TMEM236: variants seen among roughly 807,000 people sequenced by gnomAD.
TMEM236 encodes the protein family with sequence similarity 23, member A.
In TMEM236, 11 loss-of-function variants were observed where a neutral mutation model predicts 14.7. The observed-to-expected ratio is 0.75, with a 90% CI of 0.47 to 1.24. The LOEUF is 1.24. Among genes scored for constraint, TMEM236 ranks in the 50% most tolerant of loss-of-function variants. The pLI is 0.00. For missense variants in TMEM236, 464 were observed against 427.3 expected, an observed-to-expected ratio of 1.09 and a Z score of -0.76; for synonymous variants, 182 against 168.6, an observed-to-expected ratio of 1.08 and a Z score of -0.62.
intron 2 of TMEM236, among the ~76,000 whole-genome samples, chr10:17,774,301 C>A (rs1008695890): frequency 6.6e-6 from 1 of 152,082 alleles, no homozygotes; most frequent in Admixed American, 6.6e-5. Flanking sequence ...TGCCTTGGAC[C>A]CCTGAAGTGC....
chr10:17,796,214 G>T lies in TMEM236; in HGVS notation c.766G>T (p.Gly256Cys). 1 of 1,613,890 alleles carries T rather than the reference G, an allele frequency of 6.2e-7. No individual in the cohort carries two copies. Among genetic ancestry groups the T allele is most frequent in the Non-Finnish European group, 8.5e-7 (1 of 1,179,860 alleles). The part of the protein sequence containing the change: ...SDTIEMVRVA[G>C]HPNVYKSSWL... Reference sequence around the variant, plus strand: ...CACGATAGAAATGGTGCGTGTGGCTGGTCACCCCAACGTGTACAAGTCAAG... The same window carrying T: ...CACGATAGAAATGGTGCGTGTGGCTTGTCACCCCAACGTGTACAAGTCAAG... The change falls in exon 4 of 4, where the codon GGT becomes TGT. Residue 256 changes from glycine (G) to cysteine (C), a missense_variant. Physicochemically the swap from Gly to Cys is radical, Grantham distance 159. Coordinates refer to ENST00000377495, the MANE Select transcript of TMEM236 (RefSeq NM_001098844.3).
Position 17,752,472 on chromosome 10 carries a change from G to A in TMEM236, c.177G>A (p.Ala59=), listed in dbSNP as rs946371125. The A allele has an allele frequency of 3.5e-4, 562 of 1,613,940 alleles. No homozygotes were observed. Among genetic ancestry groups the A allele is most frequent in the Non-Finnish European group, 4.3e-4 (510 of 1,179,844 alleles). ...LIISCSIAYV[A]LVTLLIWVPV... ...TCTCCTGTTCTATTGCCTATGTTGC[G>A]TTAGTGACTCTACTGATCTGGGTTC... Residue 59 remains alanine, a synonymous_variant, in exon 1 of 4, where the codon GCG becomes GCA. Transcript: ENST00000377495.
intron 3 of TMEM236, among the ~76,000 whole-genome samples, chr10:17,781,574 C>T (rs1181148254): frequency 2.0e-5 from 3 of 151,692 alleles, no homozygotes; most frequent in African/African-American, 4.8e-5. Context: ...GGTGAAACCC[C>T]GTTTCTACTA....
At chr10:17,767,922 T>G (rs1837495627) in intron 1 of TMEM236, among the ~76,000 whole-genome samples, 1 of 151,144 alleles carries the variant, frequency 6.6e-6, no homozygotes, top group African/African-American at 2.4e-5. Flanking sequence ...TCTTTTTTTT[T>G]TTTTTGAGAC....
intron 1 of TMEM236, among the ~76,000 whole-genome samples, chr10:17,760,421 T>C (rs1049650411): frequency 2.6e-5 from 4 of 152,102 alleles, no homozygotes; most frequent in African/African-American, 9.7e-5. Flanking sequence ...CACAAGATCA[T>C]CAAACAATAA....
intron 1 of TMEM236, among the ~76,000 whole-genome samples, chr10:17,764,484 T>G (rs1375116910): frequency 6.6e-6 from 1 of 152,236 alleles, no homozygotes; most frequent in Non-Finnish European, 1.5e-5. Context: ...AAGTGTCTGT[T>G]GTATTTCCAA....
At chr10:17,771,413 A>G (rs1223121965) in intron 2 of TMEM236, 32 bp downstream of exon 2, 6 of 1,592,486 alleles carry the variant, frequency 3.8e-6, no homozygotes, top group Non-Finnish European at 5.2e-6. Context: ...CTGCTACAAG[A>G]TTATGAGATT....
At chr10:17,778,332 T>A (rs1017600529) in intron 3 of TMEM236, among the ~76,000 whole-genome samples, 8 of 152,332 alleles carry the variant, frequency 5.3e-5, no homozygotes, top group African/African-American at 1.9e-4. Flanking sequence ...TTAATTTGTA[T>A]GCAAAGACCT....
rs919053844 is a variant in TMEM236, at chr10:17,767,464, A to T, written c.258-3845A>T. Among the ~76,000 whole-genome samples the T allele has an allele frequency of 1.4e-3, 219 of 151,966 alleles. 1 individual carries two copies. Among genetic ancestry groups the T allele is most frequent in the South Asian group, 7.7e-3 (37 of 4,796 alleles). ...GATAGAGTAAGACTCCATCTCAAAA[A>T]ATATATATATATAAGCATATACGAG... On this transcript the variant is annotated intron_variant, in intron 1 of 3. Coordinates refer to ENST00000377495, the MANE Select transcript of TMEM236 (RefSeq NM_001098844.3).
At chr10:17,782,554 C>T (rs1041830461) in intron 3 of TMEM236, among the ~76,000 whole-genome samples, 8 of 152,118 alleles carry the variant, frequency 5.3e-5, no homozygotes, top group East Asian at 1.9e-4. Context: ...TGGGCTTAAG[C>T]GATTCTCGTG....
intron 3 of TMEM236, 114 bp downstream of exon 3, chr10:17,776,284 A>G (rs913496540): frequency 9.7e-7 from 1 of 1,027,046 alleles, no homozygotes; most frequent in East Asian, 2.4e-5. Flanking sequence ...GGCTAACATT[A>G]CTGATAGAAG....
intron 3 of TMEM236, among the ~76,000 whole-genome samples, chr10:17,780,046 G>A (rs1307057610): frequency 6.6e-6 from 1 of 151,934 alleles, no homozygotes; most frequent in Admixed American, 6.6e-5. Flanking sequence ...TTTTTTCTTG[G>A]AAACAACAGC....
In TMEM236 at chr10:17,795,982, A is replaced by C. The variant is rs1838005857; in HGVS notation, c.534A>C (p.Gln178His). 1.2e-6 allele frequency: 2 copies of C among 1,613,838 alleles called. No homozygotes were observed. The highest frequency in any genetic ancestry group is 3.3e-5 in the Admixed American group (2 of 59,990). The stretch of plus-strand genomic sequence containing the variant: ...AACACATAAAAACTGTGACGGAGCA[A>C]GTGAGGCAAAGTCCAGAAAACGCTG... ...SLQHIKTVTE[Q>H]VRQSPENAAS... Residue 178 changes from glutamine (Q) to histidine (H), a missense_variant, in exon 4 of 4, where the codon CAA (glutamine) becomes CAC (histidine). Physicochemically the swap from Gln to His is conservative, Grantham distance 24. Coordinates refer to ENST00000377495, the MANE Select transcript of TMEM236 (RefSeq NM_001098844.3).
rs1554834797 is a variant in TMEM236, at chr10:17,771,314, C to G, written c.263C>G (p.Pro88Arg). Residue 88 changes from proline (P) to arginine (R), a missense_variant, in exon 2 of 4, where the codon CCT (proline) becomes CGT (arginine). Pro to Arg is a moderately radical substitution (Grantham distance 103, BLOSUM62 -2). Coordinates refer to ENST00000377495, the MANE Select transcript of TMEM236 (RefSeq NM_001098844.3). ...TATTTTTTCTCCTTTGCTAGGAGAC[C>G]TGTTCTGATGATGTGTGTGGTCCTC... ...YIYRKIKGWR[P>R]VLMMCVVLTT... 1 of 1,613,880 alleles carries G rather than the reference C, an allele frequency of 6.2e-7. No homozygotes were observed. Among genetic ancestry groups the G allele is most frequent in the Non-Finnish European group, 8.5e-7 (1 of 1,179,800 alleles).
intron 3 of TMEM236, among the ~76,000 whole-genome samples, chr10:17,780,348 C>G (rs2131756458): frequency 6.6e-6 from 1 of 152,230 alleles, no homozygotes; most frequent in African/African-American, 2.4e-5. Flanking sequence ...TGGGTGCAAA[C>G]AGACCTATGA....
Position 17,752,853 on chromosome 10 carries a change from C to A in TMEM236, c.257+301C>A, listed in dbSNP as rs1047077959. On this transcript the variant is annotated intron_variant, in intron 1 of 3. Coordinates refer to ENST00000377495, the MANE Select transcript of TMEM236 (RefSeq NM_001098844.3). ...AAGTACTAGGATTACAGGCAGAAGC[C>A]ACAATGCCCGGCCTGTAGAAGAATT... 8.3e-4 allele frequency among the ~76,000 whole-genome samples: 126 copies of A among 152,316 alleles called. 3 individuals carry two copies. The South Asian group carries it at 0.019, about 23-fold the overall frequency.
chr10:17,790,922 G>A (rs1837914679), intron 3 of TMEM236, among the ~76,000 whole-genome samples: 1 of 152,150 alleles, frequency 6.6e-6, no homozygotes, highest in Non-Finnish European at 1.5e-5. Flanking sequence ...TCATTCTACT[G>A]CCTCACATTC....
chr10:17,763,596 A>G (rs1215369673), intron 1 of TMEM236, among the ~76,000 whole-genome samples: 2 of 152,138 alleles, frequency 1.3e-5, no homozygotes, highest in Non-Finnish European at 2.9e-5. Context: ...TATTAGAAAA[A>G]CACTGTGCTT....
intron 1 of TMEM236, among the ~76,000 whole-genome samples, chr10:17,756,094 T>C (rs1266233699): frequency 6.6e-6 from 1 of 152,066 alleles, no homozygotes; most frequent in Non-Finnish European, 1.5e-5. Context: ...TAGTGAGACC[T>C]CGTCTCTACA....
Sources: allele counts gnomAD v4.1 joint callset (sites outside exome capture counted in the v4.1 genomes callset), GRCh38; gene constraint gnomAD v4.1.1; transcripts MANE v1.5; gene names NCBI Gene and HGNC (gene_info 2026-07-23, HGNC 2026-07-21).